The following CREB5 variants were observed in gnomAD, a reference collection of about 807,000 sequenced individuals.
The protein encoded by CREB5 is cyclic AMP-responsive element-binding protein 5.
CREB5 carries 19 observed loss-of-function variants against 57.1 expected under a neutral mutation model. That is an observed-to-expected ratio of 0.33 (90% CI 0.23 to 0.49). The LOEUF (loss-of-function observed/expected upper bound fraction) is 0.49. Ranked by LOEUF, CREB5 falls within the 20% of genes least tolerant of loss-of-function variation. CREB5 has a pLI of 0.99. For synonymous variants in CREB5, 238 were observed against 238.3 expected (o/e 1.00, Z 0.01); for missense variants, 579 against 671.6 (o/e 0.86, Z 1.52).
intron 5 of CREB5, among the ~76,000 whole-genome samples, chr7:28,650,993 C>T (rs1471018390): frequency 6.6e-6 from 1 of 152,188 alleles, no homozygotes. Context: ...AGGTTATTTT[C>T]AGGAATGGCA....
intron 1 of CREB5, among the ~76,000 whole-genome samples, chr7:28,451,981 A>C (rs1472792388): frequency 6.6e-6 from 1 of 152,186 alleles, no homozygotes; most frequent in Non-Finnish European, 1.5e-5. Flanking sequence ...TCTGCATGGT[A>C]CTAACTTTAG....
At chr7:28,553,775 G>A (rs901108166) in intron 4 of CREB5, among the ~76,000 whole-genome samples, 2 of 152,206 alleles carry the variant, frequency 1.3e-5, no homozygotes, top group African/African-American at 2.4e-5. Context: ...AGGAAAATAC[G>A]TTAAGTGGCC....
chr7:28,449,887 A>C (rs1161100128), intron 1 of CREB5, among the ~76,000 whole-genome samples: 1 of 152,088 alleles, frequency 6.6e-6, no homozygotes, highest in Non-Finnish European at 1.5e-5. Context: ...TCTTTCTCCT[A>C]TCTCCCTCCC....
intron 1 of CREB5, among the ~76,000 whole-genome samples, chr7:28,373,665 A>G (rs971426239): frequency 1.3e-5 from 2 of 151,786 alleles, no homozygotes; most frequent in African/African-American, 4.8e-5. Context: ...GGCTCAAGCA[A>G]TCCACCTGCC....
chr7:28,625,920 C>T (rs1448198015), intron 5 of CREB5, among the ~76,000 whole-genome samples: 2 of 152,172 alleles, frequency 1.3e-5, no homozygotes, highest in African/African-American at 2.4e-5. Context: ...GAAATAACTA[C>T]TGTAAGAGTC....
In CREB5 at chr7:28,570,283, C is replaced by T. The variant is rs547116573; in HGVS notation, c.292-82C>T. On this transcript the variant is annotated intron_variant, in intron 4 of 10. Transcript: ENST00000357727. ...CTATGTAGTTGACATGACTAGATTCCCAGTTTTGGCCTTTGAGAGCTTGAG... is the reference window on the plus strand; with the variant it reads ...CTATGTAGTTGACATGACTAGATTCTCAGTTTTGGCCTTTGAGAGCTTGAG... 1.1e-5 allele frequency: 16 copies of T among 1,450,946 alleles called. 1 individual carries two copies. In the South Asian group the frequency reaches 2.0e-4, roughly 18 times the overall value. The allele number at this position is 1,450,946 out of a possible 1,614,324, so 89.9% of individuals were successfully genotyped here.
rs1471186555 is a variant in CREB5 at position 28,821,249 on chromosome 7, T to C, written c.*1970T>C. ...AAGGATGTGTTTTTTTCTCTCACTA[T>C]AGTATAAGAATCTATTTTGGAGAAA... On this transcript the variant is annotated 3_prime_UTR_variant, in exon 11 of 11. Transcript: ENST00000357727. The C allele has an allele frequency of 1.3e-5, 2 of 152,094 alleles. No individual in the cohort carries two copies. The highest frequency in any genetic ancestry group is 2.4e-5 in the African/African-American group (1 of 41,432). The allele number at this position is 152,094 out of a possible 1,614,324, so 9.4% of individuals were successfully genotyped here.
At chr7:28,458,161 C>A (rs1790197301) in intron 1 of CREB5, among the ~76,000 whole-genome samples, 1 of 152,156 alleles carries the variant, frequency 6.6e-6, no homozygotes, top group Non-Finnish European at 1.5e-5. Flanking sequence ...TGGGGAAAGG[C>A]CTGAGACTGT....
chr7:28,613,631 C>G (rs1307029788), intron 5 of CREB5, among the ~76,000 whole-genome samples: 1 of 152,236 alleles, frequency 6.6e-6, no homozygotes. Flanking sequence ...GATTACTGGT[C>G]ATTAACTGCC....
intron 7 of CREB5, among the ~76,000 whole-genome samples, chr7:28,737,474 C>T (rs368199886): frequency 1.4e-5 from 2 of 146,612 alleles, no homozygotes; most frequent in Non-Finnish European, 3.0e-5. Context: ...AATCATTTAG[C>T]ACATAGTAAT....
chr7:28,818,308 T>C, intron 10 of CREB5, 129 bp downstream of exon 10: 1 of 656,196 alleles, frequency 1.5e-6, no homozygotes, highest in Non-Finnish European at 2.6e-6. Context: ...CAAGAATTCT[T>C]GAGTGGCTTC....
chr7:28,533,967 T>C (rs1309561704), intron 4 of CREB5, among the ~76,000 whole-genome samples: 1 of 152,072 alleles, frequency 6.6e-6, no homozygotes, highest in Non-Finnish European at 1.5e-5. Flanking sequence ...TTGACATGAG[T>C]TGATTTTCAG....
At chr7:28,593,363 CTCAGCCTCCTGAG>C (rs1269207171) in intron 5 of CREB5, among the ~76,000 whole-genome samples, 12 of 152,190 alleles carry the variant, frequency 7.9e-5, no homozygotes, top group Non-Finnish European at 1.5e-4. Flanking sequence ...GTTCTCCTGC[CTCAGCCTCCTGAG>C]TAGGTAGGAT....
intron 3 of CREB5, among the ~76,000 whole-genome samples, chr7:28,497,520 A>ATGTTGAGGTTGG (rs1379028081): frequency 2.0e-5 from 3 of 152,178 alleles, no homozygotes; most frequent in African/African-American, 7.2e-5. Flanking sequence ...CTCATGGTTT[A>ATGTTGAGGTTGG]TGTTGAGGTT....
At chr7:28,380,035 C>T (rs980077481) in intron 1 of CREB5, among the ~76,000 whole-genome samples, 11 of 152,070 alleles carry the variant, frequency 7.2e-5, no homozygotes, top group East Asian at 1.9e-4. Context: ...TACAGGTGTG[C>T]GCCACCATGC....
intron 7 of CREB5, among the ~76,000 whole-genome samples, chr7:28,740,006 G>A (rs77823172): frequency 0.036 from 5,405 of 152,170 alleles, 144 homozygotes; most frequent in African/African-American, 0.071. Flanking sequence ...ATGGTGTTCC[G>A]TGGATTAGTT....
chr7:28,477,096 C>G (rs1791105476), intron 1 of CREB5, among the ~76,000 whole-genome samples: 1 of 152,168 alleles, frequency 6.6e-6, no homozygotes, highest in Non-Finnish European at 1.5e-5. Flanking sequence ...AGACCTGTGT[C>G]CTTGGTTTCT....
chr7:28,390,610 T>C (rs1787198035), intron 1 of CREB5, among the ~76,000 whole-genome samples: 1 of 152,180 alleles, frequency 6.6e-6, no homozygotes, highest in South Asian at 2.1e-4. Context: ...TCCGCACCAC[T>C]TGGCTGATTT....
In CREB5 at chr7:28,560,919, T is replaced by TGCGTGCGTGTGCGTGC. The variant is rs1562797827; in HGVS notation, c.292-9445_292-9444insCGTGCGTGTGCGTGCG. 7.0e-5 allele frequency among the ~76,000 whole-genome samples: 3 copies of TGCGTGCGTGTGCGTGC among 42,996 alleles called. No individual in the cohort carries two copies. The East Asian group carries it at 3.4e-3, about 49-fold the overall frequency. 28.2% of individuals were successfully genotyped at this position (42,996 alleles called of 152,430 possible). On this transcript the variant is annotated intron_variant, in intron 4 of 10. Transcript: ENST00000357727. The stretch of plus-strand genomic sequence containing the variant: ...GTGCGTGCGCGCGTGCGTGTGCGTG[T>TGCGTGCGTGTGCGTGC]GTGCGCGTGCGTGTGTGCGTGCGTG...
Sources: allele counts gnomAD v4.1 joint callset (sites outside exome capture counted in the v4.1 genomes callset), GRCh38; gene constraint gnomAD v4.1.1; transcripts MANE v1.5; gene names NCBI Gene and HGNC (gene_info 2026-07-23, HGNC 2026-07-21).